TLL1: variants seen among roughly 807,000 people sequenced by gnomAD.
TLL1 encodes the protein tolloid-like protein 1.
In TLL1, 49 loss-of-function variants were observed where a neutral mutation model predicts 128.2. The observed-to-expected ratio is 0.38, with a 90% confidence interval of 0.30 to 0.48. TLL1 has a LOEUF of 0.48. Among genes scored for constraint, TLL1 ranks in the 20% least tolerant of loss-of-function variants. TLL1 has a pLI of 0.96. For synonymous variants in TLL1, 454 were observed against 418.8 expected (o/e 1.08, Z -1.03); for missense variants, 1,123 against 1,242.0 (o/e 0.90, Z 1.44).
chr4:166,023,537 T>C (rs1470060511), intron 8 of TLL1, among the ~76,000 whole-genome samples: 2 of 152,364 alleles, frequency 1.3e-5, no homozygotes, highest in East Asian at 3.9e-4. Flanking sequence ...TAATAAAGTT[T>C]GACTTTTATA....
chr4:165,938,576 C>T (rs142575437), intron 1 of TLL1, among the ~76,000 whole-genome samples: 5 of 152,004 alleles, frequency 3.3e-5, no homozygotes, highest in Non-Finnish European at 7.4e-5. Context: ...TATTTGTCTA[C>T]TTTCCATCTT....
chr4:165,938,074 A>C (rs1331880432), intron 1 of TLL1, among the ~76,000 whole-genome samples: 1 of 151,972 alleles, frequency 6.6e-6, no homozygotes, highest in Non-Finnish European at 1.5e-5. Context: ...TTTCTGGTAC[A>C]CCATGTGCTC....
Position 166,079,737 on chromosome 4 carries a change from A to C in TLL1, c.2442+1707A>C, listed in dbSNP as rs921814373. Among the ~76,000 whole-genome samples, 3 of 152,122 alleles carry C rather than the reference A, an allele frequency of 2.0e-5. No homozygotes were observed. The South Asian group carries it at 6.2e-4, about 32-fold the overall frequency. On this transcript the variant is annotated intron_variant, in intron 18 of 20. Transcript: ENST00000061240. ...AAATTCTCAATTGTTATTTCTTCAT[A>C]TAATTCATCTGTGCCATTGTCTGTC...
rs1161246432 is a variant in TLL1 at position 165,873,910 on chromosome 4, G to A, written c.6G>A (p.Gly2=). The change falls in exon 1 of 21, where the codon GGG becomes GGA. Residue 2 remains glycine, a synonymous_variant. Coordinates refer to ENST00000061240, the MANE Select transcript of TLL1 (RefSeq NM_012464.5). ...TTTTCCTCCGGGGGAGGAGGATGGGGTTGGGAACGCTTTCCCCGAGGATGC... is the reference window on the plus strand; with the variant it reads ...TTTTCCTCCGGGGGAGGAGGATGGGATTGGGAACGCTTTCCCCGAGGATGC... The part of the protein sequence containing the change: M[G]LGTLSPRMLV... 17 of 1,613,902 alleles carry A rather than the reference G, an allele frequency of 1.1e-5. No individual in the cohort carries two copies. The highest frequency in any genetic ancestry group is 1.7e-5 in the Admixed American group (1 of 60,032).
rs530283942 is a variant in TLL1, at chr4:165,978,758, T to A, written c.170-10623T>A. On this transcript the variant is annotated intron_variant, in intron 1 of 20. Transcript: ENST00000061240. Reference sequence around the variant, plus strand: ...TGGATTCTGCAAAACTCTCTCCCAATTTTAGCTGTTCTCAGGTTGGTCTGC... The same window carrying A: ...TGGATTCTGCAAAACTCTCTCCCAAATTTAGCTGTTCTCAGGTTGGTCTGC... Among the ~76,000 whole-genome samples, 12 of 152,324 alleles carry A rather than the reference T, an allele frequency of 7.9e-5. No individual in the cohort carries two copies. In the East Asian group the frequency reaches 2.3e-3, roughly 29 times the overall value.
chr4:165,916,241 A>G (rs971999465), intron 1 of TLL1, among the ~76,000 whole-genome samples: 2 of 152,246 alleles, frequency 1.3e-5, no homozygotes, highest in Non-Finnish European at 2.9e-5. Flanking sequence ...CTTATTTCTT[A>G]TAAAGCCATT....
At chr4:165,894,510 C>T (rs1731578875) in intron 1 of TLL1, among the ~76,000 whole-genome samples, 1 of 152,112 alleles carries the variant, frequency 6.6e-6, no homozygotes, top group South Asian at 2.1e-4. Flanking sequence ...GAAATAAATA[C>T]TTTTCTAGAT....
intron 1 of TLL1, among the ~76,000 whole-genome samples, chr4:165,967,400 G>A (rs964800438): frequency 2.4e-4 from 36 of 152,202 alleles, no homozygotes; most frequent in African/African-American, 8.7e-4. Context: ...ATTGATTGGG[G>A]AAGTGACAAA....
chr4:165,918,637 A>G lies in TLL1; in HGVS notation c.169+44564A>G, dbSNP rs1218182229. Among the ~76,000 whole-genome samples, 5 of 152,130 alleles carry G rather than the reference A, an allele frequency of 3.3e-5. 1 individual carries two copies. Among genetic ancestry groups the G allele is most frequent in the African/African-American group, 1.2e-4 (5 of 41,482 alleles). On this transcript the variant is annotated intron_variant, in intron 1 of 20. Transcript: ENST00000061240. ...TAAATCTTGGTAAAGTCATAGAGCT[A>G]TTTATCTTTAGAATTGAAATAGCAT...
intron 11 of TLL1, 43 bp from the exon 12 acceptor site, chr4:166,043,231 A>G (rs1739316613): frequency 1.2e-6 from 2 of 1,613,318 alleles, no homozygotes; most frequent in South Asian, 1.1e-5. Context: ...ATGAAATAGC[A>G]TGTCCAGGCT....
At chr4:166,018,300 TAACTC>T (rs1203355975) in intron 8 of TLL1, among the ~76,000 whole-genome samples, 3 of 152,088 alleles carry the variant, frequency 2.0e-5, no homozygotes, top group Non-Finnish European at 2.9e-5. Flanking sequence ...ATACATAAAT[TAACTC>T]AAGATGAATT....
chr4:165,989,292 A>G (rs954371048), intron 1 of TLL1, 89 bp from the exon 2 acceptor site: 73 of 994,194 alleles, frequency 7.3e-5, no homozygotes, highest in Non-Finnish European at 1.1e-4. Context: ...CCACGTTTCC[A>G]TATTTTTAAC....
intron 1 of TLL1, among the ~76,000 whole-genome samples, chr4:165,979,178 T>C (rs1363907771): frequency 6.6e-6 from 1 of 152,172 alleles, no homozygotes; most frequent in Non-Finnish European, 1.5e-5. Context: ...GACCCACTGA[T>C]TGACTACCTA....
rs753674722 is a variant in TLL1 at position 165,995,132 on chromosome 4, A to C, written c.586A>C (p.Arg196=). 9 of 1,614,014 alleles carry C rather than the reference A, an allele frequency of 5.6e-6. No homozygotes were observed. The highest frequency in any genetic ancestry group is 3.4e-6 in the Non-Finnish European group (4 of 1,179,974). The change falls in exon 5 of 21, where the codon AGA becomes CGA. Residue 196 remains arginine (R), a synonymous_variant. Transcript: ENST00000061240. ...GCACACATGTGTGACTTTCATAGAA[A>C]GAAGTGATGAAGAGAGTTACATTGT... is the stretch of plus-strand genomic sequence containing the variant. The part of the protein sequence containing the change: ...EKHTCVTFIE[R]SDEESYIVFT...
At chr4:166,077,537 A>T (rs925325840) in intron 17 of TLL1, among the ~76,000 whole-genome samples, 3 of 152,168 alleles carry the variant, frequency 2.0e-5, no homozygotes, top group African/African-American at 2.4e-5. Flanking sequence ...TAGTCCAATG[A>T]TGTTTGTTTG....
At chr4:165,896,323 A>G (rs560723090) in intron 1 of TLL1, among the ~76,000 whole-genome samples, 1 of 152,012 alleles carries the variant, frequency 6.6e-6, no homozygotes, top group Non-Finnish European at 1.5e-5. Flanking sequence ...TTGTTTATCC[A>G]GTTGATCATT....
At chr4:166,078,059 T>A in intron 18 of TLL1, 29 bp downstream of exon 18, 1 of 1,612,206 alleles carries the variant, frequency 6.2e-7, no homozygotes, top group Admixed American at 1.7e-5. Context: ...TTTCTTTCCA[T>A]TAAGCTGACT....
At chr4:166,042,835 C>T (rs986660947) in intron 11 of TLL1, among the ~76,000 whole-genome samples, 10 of 152,124 alleles carry the variant, frequency 6.6e-5, no homozygotes, top group Non-Finnish European at 2.9e-5. Flanking sequence ...GAGGGAGTCA[C>T]GGACGCTGCG....
intron 1 of TLL1, among the ~76,000 whole-genome samples, chr4:165,890,923 A>C (rs996039575): frequency 2.0e-5 from 3 of 152,274 alleles, no homozygotes; most frequent in Admixed American, 6.5e-5. Flanking sequence ...CCCCTGCAGC[A>C]CACCTCTGCC....
Sources: gnomAD v4.1 joint callset for allele counts (sites outside exome capture counted in the v4.1 genomes callset) on GRCh38, gnomAD v4.1.1 for gene constraint, MANE v1.5 for transcripts, NCBI Gene and HGNC (gene_info 2026-07-23, HGNC 2026-07-21) for gene names.